CSNK1D: variants seen among roughly 807,000 people sequenced by gnomAD.
CSNK1D encodes the protein casein kinase I isoform delta.
CSNK1D carries 16 observed loss-of-function variants against 46.6 expected under a neutral mutation model. The ratio of observed to expected loss-of-function variants is 0.34; its 90% CI spans 0.23 to 0.52. CSNK1D has a LOEUF of 0.52. CSNK1D is among the 20% of genes least tolerant of loss of function. CSNK1D has a pLI of 0.95. For missense variants in CSNK1D, 398 were observed against 578.4 expected, an observed-to-expected ratio of 0.69 and a Z score of 3.20; for synonymous variants, 276 against 228.2, an observed-to-expected ratio of 1.21 and a Z score of -1.89.
At chr17:82,265,856 T>C (rs2051455144) in intron 1 of CSNK1D, 60 bp from the exon 2 acceptor site, 1 of 1,336,584 alleles carries the variant, frequency 7.5e-7, no homozygotes, top group Non-Finnish European at 1.1e-6. Context: ...TAACCCAACA[T>C]GCTGGAGAAA....
intron 1 of CSNK1D, chr17:82,267,051 C>T (rs1330447787): frequency 2.3e-5 from 3 of 131,206 alleles, no homozygotes; most frequent in Non-Finnish European, 4.7e-5. Flanking sequence ...CAGAGCGAGA[C>T]ACCGTCTCAA....
chr17:82,265,475 G>A (rs111413263), intron 2 of CSNK1D: 11 of 572,626 alleles, frequency 1.9e-5, no homozygotes, highest in African/African-American at 1.5e-4. Context: ...CACCATGCCC[G>A]GCCCATAAGA....
chr17:82,268,659 T>C (rs949044744), intron 1 of CSNK1D, among the ~76,000 whole-genome samples: 5 of 152,284 alleles, frequency 3.3e-5, no homozygotes, highest in Middle Eastern at 6.8e-3. Flanking sequence ...AGACATTCTG[T>C]CAACAAAACA....
chr17:82,242,150 T>C (rs1307159567), downstream of CSNK1D, among the ~76,000 whole-genome samples: 1 of 137,294 alleles, frequency 7.3e-6, no homozygotes, highest in Non-Finnish European at 1.5e-5. Context: ...GGTGCAGACC[T>C]CCCTGCTCTG....
chr17:82,248,586 G>A lies in CSNK1D; in HGVS notation c.1197+289C>T. ...GCCTGGGGACGGCTGCGGGCAGCGGGGCACTCAAACAGCAGGAGAAAGCCC... is the reference window on the plus strand; with the variant it reads ...GCCTGGGGACGGCTGCGGGCAGCGGAGCACTCAAACAGCAGGAGAAAGCCC... On this transcript the variant is annotated intron_variant, in intron 8 of 8. Coordinates refer to ENST00000314028, the MANE Select transcript of CSNK1D (RefSeq NM_001893.6). The surrounding 1 kb of genome is among the most constrained non-coding windows in gnomAD (Gnocchi z 4.1). 1 of 1,273,062 alleles carries A rather than the reference G, an allele frequency of 7.9e-7. No individual in the cohort carries two copies. The highest frequency in any genetic ancestry group is 1.0e-6 in the Non-Finnish European group (1 of 1,000,376). 78.9% of individuals were successfully genotyped at this position (1,273,062 alleles called of 1,614,324 possible). A position where few individuals can be genotyped will look rare whatever the true frequency, so the allele number is the denominator to read the frequency against.
downstream of CSNK1D, among the ~76,000 whole-genome samples, chr17:82,242,215 G>C (rs573009857): frequency 1.7e-4 from 26 of 150,938 alleles, no homozygotes; most frequent in East Asian, 1.2e-3. Context: ...TGTGCTCTGG[G>C]GGGGGGGGGA....
Position 82,249,791 on chromosome 17 carries a change from A to G in CSNK1D, c.886-189T>C. Reference sequence around the variant, plus strand: ...CAGCATCATCCCCACAAGGGGTCAGAGCCAGGCCTCTCAGCTCCCCCAACA... The same window carrying G: ...CAGCATCATCCCCACAAGGGGTCAGGGCCAGGCCTCTCAGCTCCCCCAACA... On this transcript the variant is annotated intron_variant, in intron 6 of 8. Transcript: ENST00000314028. This position sits in a 1 kb window ranked among gnomAD's most constrained non-coding sequence, Gnocchi z 6.7. 1 of 1,447,084 alleles carries G rather than the reference A, an allele frequency of 6.9e-7. No individual in the cohort carries two copies. Among genetic ancestry groups the G allele is most frequent in the South Asian group, 1.4e-5 (1 of 69,322 alleles). 89.6% of individuals were successfully genotyped at this position (1,447,084 alleles called of 1,614,324 possible).
intron 2 of CSNK1D, chr17:82,265,329 C>T (rs1568582044): frequency 2.8e-6 from 1 of 351,212 alleles, no homozygotes. Flanking sequence ...CAGGTGCACG[C>T]CATCACACTT....
intron 8 of CSNK1D, chr17:82,245,230 C>G: frequency 2.7e-6 from 1 of 363,808 alleles, no homozygotes; most frequent in South Asian, 2.5e-5. Flanking sequence ...AGTGTGAAAA[C>G]TGCAGCGGGT....
rs577923739 is a variant in CSNK1D, at chr17:82,252,417, G to C, written c.736+17C>G. ...CCTGTGAGCAGCTCCGCTGAGAAGA[G>C]GCCTCCAGAGACTTACAAGGGTAGC... On this transcript the variant is annotated intron_variant, in intron 5 of 8. Transcript: ENST00000314028. This position sits in a 1 kb window ranked among gnomAD's most constrained non-coding sequence, Gnocchi z 4.6. 6.2e-7 allele frequency: 1 copy of C among 1,614,026 alleles called. No homozygotes were observed. Among genetic ancestry groups the C allele is most frequent in the African/African-American group, 1.3e-5 (1 of 75,056 alleles).
chr17:82,273,236 G>A lies in CSNK1D; in HGVS notation c.76+70C>T. Reference sequence around the variant, plus strand: ...CGCGGGGGCCACCACTTCCTTCCGCGATCGCGCTTGGTCTTGGCAGCCGCA... The same window carrying A: ...CGCGGGGGCCACCACTTCCTTCCGCAATCGCGCTTGGTCTTGGCAGCCGCA... On this transcript the variant is annotated intron_variant, in intron 1 of 8. Transcript: ENST00000314028. The surrounding 1 kb of genome is among the most constrained non-coding windows in gnomAD (Gnocchi z 5.1). 3 of 1,482,988 alleles carry A rather than the reference G, an allele frequency of 2.0e-6. No individual in the cohort carries two copies. The highest frequency in any genetic ancestry group is 1.8e-6 in the Non-Finnish European group (2 of 1,090,002). 91.9% of individuals were successfully genotyped at this position (1,482,988 alleles called of 1,614,324 possible).
In CSNK1D at chr17:82,243,970, G is replaced by A. The variant is rs574793834; in HGVS notation, c.*811C>T. Reference sequence around the variant, plus strand: ...CCTGCCCACCTCCTGGGGAAGAAGCGCGCAGTGCTTTGCCTGGTAACACCC... The same window carrying A: ...CCTGCCCACCTCCTGGGGAAGAAGCACGCAGTGCTTTGCCTGGTAACACCC... On this transcript the variant is annotated 3_prime_UTR_variant, in exon 9 of 9. Transcript: ENST00000314028. 2.1e-4 allele frequency: 208 copies of A among 985,816 alleles called. 3 individuals carry two copies. In the South Asian group the frequency reaches 6.9e-3, roughly 33 times the overall value. The allele number at this position is 985,816 out of a possible 1,614,324, so 61.1% of individuals were successfully genotyped here.
chr17:82,246,861 A>G (rs962359295), intron 8 of CSNK1D: 1 of 985,920 alleles, frequency 1.0e-6, no homozygotes, highest in Non-Finnish European at 1.2e-6. Flanking sequence ...GCCCACGGTG[A>G]CTGTGTCTCC....
intron 2 of CSNK1D, among the ~76,000 whole-genome samples, chr17:82,260,366 G>T (rs866003566): frequency 0.016 from 1,167 of 71,352 alleles, no homozygotes; most frequent in Middle Eastern, 0.07. Flanking sequence ...GATGGTGTAC[G>T]GACTGATGTG....
chr17:82,255,312 G>A lies in CSNK1D; in HGVS notation c.336+117C>T. On this transcript the variant is annotated intron_variant, in intron 3 of 8. Transcript: ENST00000314028. This position sits in a 1 kb window ranked among gnomAD's most constrained non-coding sequence, Gnocchi z 5.9. The stretch of plus-strand genomic sequence containing the variant: ...ACTGCAGCCTCAAGGCTGAGGCTCA[G>A]CAAATTTCCATTTCCTCTGTGAATT... 1 of 1,301,284 alleles carries A rather than the reference G, an allele frequency of 7.7e-7. No homozygotes were observed. 80.6% of individuals were successfully genotyped at this position (1,301,284 alleles called of 1,614,324 possible).
downstream of CSNK1D, chr17:82,239,220 G>A (rs1040632775): frequency 4.6e-5 from 16 of 346,270 alleles, no homozygotes; most frequent in Non-Finnish European, 7.8e-5. Context: ...CAGGGGCCCC[G>A]CCTGCTGCTC....
chr17:82,258,350 T>A lies in CSNK1D; in HGVS notation c.188-2773A>T, dbSNP rs750483966. On this transcript the variant is annotated intron_variant, in intron 2 of 8. Coordinates refer to ENST00000314028, the MANE Select transcript of CSNK1D (RefSeq NM_001893.6). ...TGAACATATGTGTATATATATATAT[T>A]ATATATATGCAAATACACATCTACT... 1.8e-3 allele frequency among the ~76,000 whole-genome samples: 273 copies of A among 150,898 alleles called. 1 individual carries two copies. The highest frequency in any genetic ancestry group is 4.2e-3 in the Admixed American group (64 of 15,092).
At chr17:82,261,339 C>T (rs1274850988) in intron 2 of CSNK1D, among the ~76,000 whole-genome samples, 1 of 152,022 alleles carries the variant, frequency 6.6e-6, no homozygotes, top group East Asian at 1.9e-4. Flanking sequence ...GGGAAGCGGC[C>T]ACTCATGCTG....
Position 82,250,277 on chromosome 17 carries a change from A to G in CSNK1D, c.886-675T>C. 4 of 1,147,452 alleles carry G rather than the reference A, an allele frequency of 3.5e-6. No homozygotes were observed. Among genetic ancestry groups the G allele is most frequent in the Non-Finnish European group, 4.6e-6 (4 of 860,422 alleles). 71.1% of individuals were successfully genotyped at this position (1,147,452 alleles called of 1,614,324 possible). A position where few individuals can be genotyped will look rare whatever the true frequency, so the allele number is the denominator to read the frequency against. Reference sequence around the variant, plus strand: ...CCAGGTGCCACTTCTTCCTGCAAGTACAGCTCATTGGACACAGCCACGTTC... The same window carrying G: ...CCAGGTGCCACTTCTTCCTGCAAGTGCAGCTCATTGGACACAGCCACGTTC... On this transcript the variant is annotated intron_variant, in intron 6 of 8. Transcript: ENST00000314028. The surrounding 1 kb of genome is among the most constrained non-coding windows in gnomAD (Gnocchi z 4.6).
Sources: allele counts gnomAD v4.1 joint callset (sites outside exome capture counted in the v4.1 genomes callset), GRCh38; gene constraint gnomAD v4.1.1; non-coding constraint Gnocchi (gnomAD v3.1); transcripts MANE v1.5; gene names NCBI Gene and HGNC (gene_info 2026-07-23, HGNC 2026-07-21).